The following DYRK2 variants were observed in gnomAD, a reference collection of about 807,000 sequenced individuals.
DYRK2 encodes the protein dual specificity tyrosine-phosphorylation-regulated kinase 2.
DYRK2 carries 12 observed loss-of-function variants against 41.6 expected under a neutral mutation model. The ratio of observed to expected loss-of-function variants is 0.29; its 90% CI spans 0.18 to 0.47. DYRK2 has a LOEUF of 0.47. DYRK2 is among the 20% of genes least tolerant of loss of function. The pLI is 1.00. For missense variants in DYRK2, 678 were observed against 798.4 expected, an observed-to-expected ratio of 0.85 and a Z score of 1.82; for synonymous variants, 322 against 315.7, an observed-to-expected ratio of 1.02 and a Z score of -0.21.
At position 67,649,987 on chromosome 12, in the gene DYRK2, A is replaced by C. The variant is rs1023716098; in HGVS notation, c.198+42A>C. 6.9e-6 allele frequency: 9 copies of C among 1,300,774 alleles called. No individual in the cohort carries two copies. The South Asian group carries it at 1.2e-4, about 17-fold the overall frequency. The allele number at this position is 1,300,774 out of a possible 1,614,324, so 80.6% of individuals were successfully genotyped here. A position where few individuals can be genotyped will look rare whatever the true frequency, so the allele number is the denominator to read the frequency against. On this transcript the variant is annotated intron_variant, in intron 2 of 2. Coordinates refer to ENST00000344096, the MANE Select transcript of DYRK2 (RefSeq NM_006482.3). Reference sequence around the variant, plus strand: ...GGGCGGCCCGGGCGGTGGGGGCGGGAGGGGCCCCAGGCCGAAGCACCCGGA... The same window carrying C: ...GGGCGGCCCGGGCGGTGGGGGCGGGCGGGGCCCCAGGCCGAAGCACCCGGA...
At position 67,659,005 on chromosome 12, in the gene DYRK2, C is replaced by A. The variant is rs1290799241; in HGVS notation, c.*292C>A. Reference sequence around the variant, plus strand: ...AACATCAGTGGCAGGCCACTGATTACTTCATGACTGCCACGCATTTACAGA... The same window carrying A: ...AACATCAGTGGCAGGCCACTGATTAATTCATGACTGCCACGCATTTACAGA... On this transcript the variant is annotated 3_prime_UTR_variant, in exon 3 of 3. Transcript: ENST00000344096. The A allele has an allele frequency of 7.3e-6, 2 of 274,248 alleles. No homozygotes were observed. The highest frequency in any genetic ancestry group is 1.9e-4 in the South Asian group (2 of 10,690). 17.0% of individuals were successfully genotyped at this position (274,248 alleles called of 1,614,324 possible).
At position 67,659,919 on chromosome 12, in the gene DYRK2, T is replaced by A. The variant is rs1872578898; in HGVS notation, c.*1206T>A. ...TAAATGGTTTGACTTATTCTTCGTA[T>A]CATTAGAAGAACCCCAGAGATAGCA... On this transcript the variant is annotated 3_prime_UTR_variant, in exon 3 of 3. Transcript: ENST00000344096. 1 of 167,144 alleles carries A rather than the reference T, an allele frequency of 6.0e-6. No individual in the cohort carries two copies. Among genetic ancestry groups the A allele is most frequent in the African/African-American group, 2.4e-5 (1 of 41,476 alleles). The allele number at this position is 167,144 out of a possible 1,614,324, so 10.4% of individuals were successfully genotyped here. A position where few individuals can be genotyped will look rare whatever the true frequency, so the allele number is the denominator to read the frequency against.
chr12:67,650,618 A>T (rs1156570302), intron 2 of DYRK2, among the ~76,000 whole-genome samples: 2 of 152,250 alleles, frequency 1.3e-5, no homozygotes, highest in Admixed American at 1.3e-4. Context: ...TGGGAAAGAA[A>T]AAGCACCTAA....
chr12:67,657,235 G>A lies in DYRK2; in HGVS notation c.328G>A (p.Gly110Arg), dbSNP rs1872499523. 1 of 1,613,972 alleles carries A rather than the reference G, an allele frequency of 6.2e-7. No individual in the cohort carries two copies. Among genetic ancestry groups the A allele is most frequent in the Admixed American group, 1.7e-5 (1 of 59,974 alleles). ...GACAGTGCTCACGACACAACCAAATGGGCTTACAACAGTGGGCAAAACGGG... is the reference window on the plus strand; with the variant it reads ...GACAGTGCTCACGACACAACCAAATAGGCTTACAACAGTGGGCAAAACGGG... ...KRTVLTTQPN[G>R]LTTVGKTGLP... Residue 110 changes from glycine to arginine, a missense_variant, in exon 3 of 3, where the codon GGG becomes AGG. Around this residue, in one of 2 missense-constraint regions of DYRK2, gnomAD observed 285 missense variants for 279.2 expected, o/e 1.02. Coordinates refer to ENST00000344096, the MANE Select transcript of DYRK2 (RefSeq NM_006482.3). This position sits in a 1 kb window ranked among gnomAD's most constrained non-coding sequence, Gnocchi z 4.8.
At chr12:67,649,566 C>T (rs1000316208) in intron 1 of DYRK2, 4 of 451,074 alleles carry the variant, frequency 8.9e-6, no homozygotes, top group African/African-American at 8.1e-5. Flanking sequence ...GCTCCCCCGC[C>T]GGGTCGCGAA....
chr12:67,649,836 C>A lies in DYRK2; in HGVS notation c.89C>A (p.Ser30Tyr). 1 of 1,329,854 alleles carries A rather than the reference C, an allele frequency of 7.5e-7. No individual in the cohort carries two copies. Among genetic ancestry groups the A allele is most frequent in the African/African-American group, 1.5e-5 (1 of 66,534 alleles). The allele number at this position is 1,329,854 out of a possible 1,614,324, so 82.4% of individuals were successfully genotyped here. A position where few individuals can be genotyped will look rare whatever the true frequency, so the allele number is the denominator to read the frequency against. Reference sequence around the variant, plus strand: ...AGCGCCGTTCGTCAGCTTCAGGCTTCCCCGGGGCTCGGTGCAGGGGCCACC... The same window carrying A: ...AGCGCCGTTCGTCAGCTTCAGGCTTACCCGGGGCTCGGTGCAGGGGCCACC... ...GDSAVRQLQA[S>Y]PGLGAGATRS... Residue 30 changes from serine (S) to tyrosine (Y), a missense_variant, in exon 2 of 3, where the codon TCC (serine) becomes TAC (tyrosine). Physicochemically the swap from Ser to Tyr is moderately radical, Grantham distance 144. Around this residue, in one of 2 missense-constraint regions of DYRK2, gnomAD observed 285 missense variants for 279.2 expected, o/e 1.02. Transcript: ENST00000344096.
intron 2 of DYRK2, among the ~76,000 whole-genome samples, chr12:67,655,068 C>G (rs1437645914): frequency 6.6e-6 from 1 of 152,168 alleles, no homozygotes; most frequent in Non-Finnish European, 1.5e-5. Flanking sequence ...CGTTTCTTGT[C>G]AGTCTCGTTA....
rs1666202866 is a variant in DYRK2 at position 67,659,321 on chromosome 12, C to T, written c.*608C>T. The T allele has an allele frequency of 6.0e-6, 1 of 167,060 alleles. No homozygotes were observed. Among genetic ancestry groups the T allele is most frequent in the Admixed American group, 6.5e-5 (1 of 15,278 alleles). The allele number at this position is 167,060 out of a possible 1,614,324, so 10.3% of individuals were successfully genotyped here. A position where few individuals can be genotyped will look rare whatever the true frequency, so the allele number is the denominator to read the frequency against. Reference sequence around the variant, plus strand: ...TTAAACTGCCCAGTTAGCATTCTGACATTCTAAAAGCCGGCAAAGCAGCTT... The same window carrying T: ...TTAAACTGCCCAGTTAGCATTCTGATATTCTAAAAGCCGGCAAAGCAGCTT... On this transcript the variant is annotated 3_prime_UTR_variant, in exon 3 of 3. Coordinates refer to ENST00000344096, the MANE Select transcript of DYRK2 (RefSeq NM_006482.3).
rs1441368528 is a variant in DYRK2 at position 67,662,807 on chromosome 12, AGTTT to A, written c.*4098_*4101del. 3 of 153,070 alleles carry A rather than the reference AGTTT, an allele frequency of 2.0e-5. No homozygotes were observed. Among genetic ancestry groups the A allele is most frequent in the Non-Finnish European group, 2.9e-5 (2 of 68,022 alleles). The allele number at this position is 153,070 out of a possible 1,614,324, so 9.5% of individuals were successfully genotyped here. A position where few individuals can be genotyped will look rare whatever the true frequency, so the allele number is the denominator to read the frequency against. The stretch of plus-strand genomic sequence containing the variant: ...AGAAGTTAAAATAATTCATTCTACT[AGTTT>A]GTTCATAGCAATACTTTATTAGTTC... On this transcript the variant is annotated 3_prime_UTR_variant, in exon 3 of 3. Coordinates refer to ENST00000344096, the MANE Select transcript of DYRK2 (RefSeq NM_006482.3).
rs1254270592 is a variant in DYRK2 at position 67,656,978 on chromosome 12, C to G, written c.199-128C>G. On this transcript the variant is annotated intron_variant, in intron 2 of 2. Transcript: ENST00000344096. ...TTTTTCAGGATCACATGTTTTGTGGCTTTTACTCAAACCAAATGGGATTTT... is the reference window on the plus strand; with the variant it reads ...TTTTTCAGGATCACATGTTTTGTGGGTTTTACTCAAACCAAATGGGATTTT... 5.9e-6 allele frequency: 6 copies of G among 1,012,864 alleles called. No homozygotes were observed. In the African/African-American group the frequency reaches 9.9e-5, roughly 17 times the overall value. The allele number at this position is 1,012,864 out of a possible 1,614,324, so 62.7% of individuals were successfully genotyped here.
At chr12:67,650,168 C>A (rs531172685) in intron 2 of DYRK2, among the ~76,000 whole-genome samples, 3 of 152,264 alleles carry the variant, frequency 2.0e-5, no homozygotes, top group African/African-American at 7.2e-5. Flanking sequence ...CCTTACTTCC[C>A]CTCCAGAGCT....
rs1872599612 is a variant in DYRK2, at chr12:67,660,662, G to A, written c.*1949G>A. 6.0e-6 allele frequency: 1 copy of A among 166,938 alleles called. No homozygotes were observed. Among genetic ancestry groups the A allele is most frequent in the Non-Finnish European group, 1.5e-5 (1 of 68,094 alleles). The allele number at this position is 166,938 out of a possible 1,614,324, so 10.3% of individuals were successfully genotyped here. On this transcript the variant is annotated 3_prime_UTR_variant, in exon 3 of 3. Transcript: ENST00000344096. ...AAGTTACATTTTAAATAATGCTCAT[G>A]TGACAATACTCCCAATCAATGGCTT...
rs1872251917 is a variant in DYRK2 at position 67,649,735 on chromosome 12, GGGGTCT to G, written c.50-57_50-52del. On this transcript the variant is annotated intron_variant, in intron 1 of 2. Transcript: ENST00000344096. ...GTCGCTGCCCAGCGGGGTTGGAGGG[GGGGTCT>G]GGGTGACTTTCTCCCCCCTGACCCT... 63 of 1,295,844 alleles carry G rather than the reference GGGGTCT, an allele frequency of 4.9e-5. 2 individuals carry two copies. In the South Asian group the frequency reaches 2.1e-3, roughly 43 times the overall value. 80.3% of individuals were successfully genotyped at this position (1,295,844 alleles called of 1,614,324 possible). A position where few individuals can be genotyped will look rare whatever the true frequency, so the allele number is the denominator to read the frequency against.
chr12:67,649,580 G>C (rs1239699616), intron 1 of DYRK2: 1 of 516,894 alleles, frequency 1.9e-6, no homozygotes, highest in Non-Finnish European at 3.0e-6. Flanking sequence ...TCGCGAACTC[G>C]CGCGCCAGGG....
Position 67,649,307 on chromosome 12 carries a change from C to G in DYRK2, c.49+125C>G, listed in dbSNP as rs949914010. On this transcript the variant is annotated intron_variant, in intron 1 of 2. Transcript: ENST00000344096. ...GTCGGCGGCGCGGCGCGGGGGAGCCCCCGGGCGGACGACGCGCCCCGGGCT... is the reference window on the plus strand; with the variant it reads ...GTCGGCGGCGCGGCGCGGGGGAGCCGCCGGGCGGACGACGCGCCCCGGGCT... The G allele has an allele frequency of 8.2e-6, 6 of 735,464 alleles. No individual in the cohort carries two copies. In the African/African-American group the frequency reaches 1.1e-4, roughly 14 times the overall value. 45.6% of individuals were successfully genotyped at this position (735,464 alleles called of 1,614,324 possible).
rs565773589 is a variant in DYRK2 at position 67,665,076 on chromosome 12, A to G, written c.*6363A>G. 2.4e-4 allele frequency: 37 copies of G among 152,286 alleles called. No homozygotes were observed. The highest frequency in any genetic ancestry group is 8.9e-4 in the African/African-American group (37 of 41,570). 9.4% of individuals were successfully genotyped at this position (152,286 alleles called of 1,614,324 possible). A position where few individuals can be genotyped will look rare whatever the true frequency, so the allele number is the denominator to read the frequency against. ...GCCTCCATATTTAAGAAAATATAGA[A>G]TGCCTGCCAGGGAAATATATAAAAA... On this transcript the variant is annotated 3_prime_UTR_variant, in exon 3 of 3. Transcript: ENST00000344096.
rs1054716346 is a variant in DYRK2, at chr12:67,662,704, A to G, written c.*3991A>G. 2.4e-5 allele frequency: 4 copies of G among 163,884 alleles called. No homozygotes were observed. Among genetic ancestry groups the G allele is most frequent in the African/African-American group, 7.2e-5 (3 of 41,540 alleles). 10.2% of individuals were successfully genotyped at this position (163,884 alleles called of 1,614,324 possible). On this transcript the variant is annotated 3_prime_UTR_variant, in exon 3 of 3. Transcript: ENST00000344096. ...CTAACTATAATTTAACTCCTGATCT[A>G]TTTCTGGTATTATCCTTTGTCAATT...
rs1872611987 is a variant in DYRK2, at chr12:67,661,121, CA to C, written c.*2409del. On this transcript the variant is annotated 3_prime_UTR_variant, in exon 3 of 3. Coordinates refer to ENST00000344096, the MANE Select transcript of DYRK2 (RefSeq NM_006482.3). ...GCTTTTTTTTTTTTCCCTCCAAATA[CA>C]GTGAAATTTTTTTATTCACAAGAGC... is the stretch of plus-strand genomic sequence containing the variant. The C allele has an allele frequency of 3.7e-5, 6 of 163,872 alleles. No individual in the cohort carries two copies. 10.2% of individuals were successfully genotyped at this position (163,872 alleles called of 1,614,324 possible).
At chr12:67,650,767 G>T (rs981583357) in intron 2 of DYRK2, among the ~76,000 whole-genome samples, 6 of 152,216 alleles carry the variant, frequency 3.9e-5, no homozygotes, top group African/African-American at 1.2e-4. Flanking sequence ...GTGATGGCCA[G>T]CCTGGAGGAG....
Sources: gnomAD v4.1 joint callset for allele counts (sites outside exome capture counted in the v4.1 genomes callset) on GRCh38, gnomAD v4.1.1 for gene constraint, gnomAD v4.1.1 regional missense constraint, Gnocchi (gnomAD v3.1) non-coding constraint, MANE v1.5 for transcripts, NCBI Gene and HGNC (gene_info 2026-07-23, HGNC 2026-07-21) for gene names.